MIA2: variants seen among roughly 807,000 people sequenced by gnomAD.
MIA2 encodes MIA SH3 domain ER export factor 2, also known as melanoma inhibitory activity protein 2.
A neutral mutation model predicts 167.8 loss-of-function variants in MIA2; 127 were observed. The observed-to-expected ratio is 0.76, with a 90% CI of 0.66 to 0.88. The LOEUF is 0.88. Among genes scored for constraint, MIA2 ranks in the 40% least tolerant of loss-of-function variants. The pLI, the probability that MIA2 is intolerant of heterozygous loss-of-function variation, is 0.00. For missense variants in MIA2, 1,690 were observed against 1,624.7 expected, an observed-to-expected ratio of 1.04 and a Z score of -0.69; for synonymous variants, 552 against 541.9, an observed-to-expected ratio of 1.02 and a Z score of -0.26.
exon 24 of MIA2, chr14:39,387,044 G>T: frequency 1.4e-6 from 1 of 694,708 alleles, no homozygotes; most frequent in Non-Finnish European, 2.5e-6. Context: ...ACAGTGCCGG[G>T]TAGCTGGCGG....
At chr14:39,277,517 C>T (rs2058176018) in intron 7 of MIA2, among the ~76,000 whole-genome samples, 1 of 150,294 alleles carries the variant, frequency 6.7e-6, no homozygotes, top group African/African-American at 2.4e-5. Flanking sequence ...CAGAGAGAGA[C>T]CCTGTCTCAA....
intron 13 of MIA2, among the ~76,000 whole-genome samples, chr14:39,298,530 G>GTTTTTTTTTTTTTTTTTTT (rs764475842): frequency 2.7e-4 from 7 of 26,176 alleles, no homozygotes; most frequent in Non-Finnish European, 3.3e-4. Flanking sequence ...GTAGAACAGA[G>GTTTTTTTTTTTTTTTTTTT]TTTTTTTTTT....
At chr14:39,285,574 C>A (rs926597769) in intron 9 of MIA2, among the ~76,000 whole-genome samples, 1 of 149,306 alleles carries the variant, frequency 6.7e-6, no homozygotes, top group Non-Finnish European at 1.5e-5. Flanking sequence ...GGGCTGACCC[C>A]CCGACCTCCC....
Position 39,366,128 on chromosome 14 carries a change from G to A in MIA2, c.2248+17151G>A, listed in dbSNP as rs114938101. 9.2e-3 allele frequency among the ~76,000 whole-genome samples: 1,400 copies of A among 152,284 alleles called. 25 individuals carry two copies. The highest frequency in any genetic ancestry group is 0.032 in the African/African-American group (1,331 of 41,556). ...TGTTTGTGATTTCATCAGTCGCTTAGGCTGTAGTTGTTAGTGGAGACTGTG... is the reference window on the plus strand; with the variant it reads ...TGTTTGTGATTTCATCAGTCGCTTAAGCTGTAGTTGTTAGTGGAGACTGTG... On this transcript the variant is annotated intron_variant, in intron 23 of 23. Transcript: ENST00000341502.
chr14:39,304,086 C>A (rs2062939514), intron 16 of MIA2, among the ~76,000 whole-genome samples: 1 of 152,024 alleles, frequency 6.6e-6, no homozygotes, highest in Non-Finnish European at 1.5e-5. Flanking sequence ...GTCCCTTGTT[C>A]TGAGACTTAC....
At chr14:39,268,713 A>C (rs913009292) in intron 6 of MIA2, among the ~76,000 whole-genome samples, 1 of 152,212 alleles carries the variant, frequency 6.6e-6, no homozygotes, top group African/African-American at 2.4e-5. Flanking sequence ...ATGTTAGGGA[A>C]ACAAAACTTG....
intron 25 of MIA2, among the ~76,000 whole-genome samples, chr14:39,340,741 C>G (rs1277930371): frequency 6.6e-6 from 1 of 152,064 alleles, no homozygotes; most frequent in Non-Finnish European, 1.5e-5. Flanking sequence ...TTTAGGCTAC[C>G]AGTTTTTTAG....
chr14:39,301,863 T>C lies in MIA2; in HGVS notation c.2620-266T>C, dbSNP rs1472125823. Among the ~76,000 whole-genome samples, 3 of 152,250 alleles carry C rather than the reference T, an allele frequency of 2.0e-5. 1 individual carries two copies. The highest frequency in any genetic ancestry group is 2.0e-4 in the Admixed American group (3 of 15,288). On this transcript the variant is annotated intron_variant, in intron 14 of 28. Coordinates refer to ENST00000640607, the MANE Select transcript of MIA2 (RefSeq NM_001329214.4). ...TGAGAAATGTCATATAAAAAATATTTTACTACTTTTTAGTTGCATAATATT... is the reference window on the plus strand; with the variant it reads ...TGAGAAATGTCATATAAAAAATATTCTACTACTTTTTAGTTGCATAATATT...
chr14:39,337,596 C>G (rs938619978), intron 25 of MIA2, among the ~76,000 whole-genome samples: 2 of 152,134 alleles, frequency 1.3e-5, no homozygotes, highest in Non-Finnish European at 2.9e-5. Flanking sequence ...GTTCTTTGAT[C>G]ACAATGGAAT....
At chr14:39,239,324 A>G (rs2053937034) in intron 2 of MIA2, among the ~76,000 whole-genome samples, 1 of 152,082 alleles carries the variant, frequency 6.6e-6, no homozygotes, top group Admixed American at 6.6e-5. Flanking sequence ...GGCAGGAGGA[A>G]CACTTGAGAC....
chr14:39,264,234 A>G (rs2055306285), intron 6 of MIA2, among the ~76,000 whole-genome samples: 1 of 152,222 alleles, frequency 6.6e-6, no homozygotes, highest in Non-Finnish European at 1.5e-5. Context: ...TTCGCTTAGG[A>G]TAATGGCCTC....
intron 24 of MIA2, among the ~76,000 whole-genome samples, chr14:39,324,139 C>T (rs948055127): frequency 2.0e-5 from 3 of 152,282 alleles, no homozygotes; most frequent in African/African-American, 2.4e-5. Context: ...AAAACTTTAA[C>T]CATTAGAACT....
intron 18 of MIA2, among the ~76,000 whole-genome samples, chr14:39,312,200 C>G (rs1049786397): frequency 6.6e-6 from 1 of 152,104 alleles, no homozygotes; most frequent in Non-Finnish European, 1.5e-5. Context: ...ATAGGCCCAC[C>G]CAAATTCAAT....
intron 17 of MIA2, 94 bp downstream of exon 17, chr14:39,304,475 G>C: frequency 1.5e-6 from 1 of 654,386 alleles, no homozygotes; most frequent in South Asian, 2.7e-5. Flanking sequence ...ACTTTGGGAA[G>C]ATCCAATTTT....
chr14:39,308,365 T>C, intron 17 of MIA2, 84 bp from the exon 18 acceptor site: 5 of 822,042 alleles, frequency 6.1e-6, no homozygotes, highest in Non-Finnish European at 7.0e-6. Flanking sequence ...AATTTATTAT[T>C]TTTAGTAATT....
At chr14:39,235,469 A>G (rs2053692830) in intron 1 of MIA2, among the ~76,000 whole-genome samples, 2 of 152,182 alleles carry the variant, frequency 1.3e-5, no homozygotes, top group African/African-American at 4.8e-5. Flanking sequence ...GAAGTTTACT[A>G]GATGTTTTAT....
intron 9 of MIA2, among the ~76,000 whole-genome samples, chr14:39,288,614 A>G (rs2060287641): frequency 1.3e-5 from 2 of 150,374 alleles, no homozygotes; most frequent in African/African-American, 2.5e-5. Flanking sequence ...ATCTAGGACT[A>G]CAGGTGCCTG....
At chr14:39,288,555 A>G (rs1210464860) in intron 9 of MIA2, among the ~76,000 whole-genome samples, 1 of 144,708 alleles carries the variant, frequency 6.9e-6, no homozygotes, top group East Asian at 2.1e-4. Context: ...GCACACTGCA[A>G]CCTCCGCCTC....
intron 16 of MIA2, 24 bp downstream of exon 16, chr14:39,303,548 A>G: frequency 1.3e-6 from 2 of 1,572,940 alleles, no homozygotes. Context: ...GATACTTAAA[A>G]AGAATAAGGA....
Sources: allele counts gnomAD v4.1 joint callset (sites outside exome capture counted in the v4.1 genomes callset), GRCh38; gene constraint gnomAD v4.1.1; transcripts MANE v1.5; gene names NCBI Gene and HGNC (gene_info 2026-07-23, HGNC 2026-07-21).